SH3PXD2A: variants seen among roughly 807,000 people sequenced by gnomAD.
SH3PXD2A encodes the protein SH3 and PX domain-containing protein 2A.
Under a neutral mutation model 115.2 loss-of-function variants are expected in SH3PXD2A, and 32 were observed. The ratio of observed to expected loss-of-function variants is 0.28; its 90% CI spans 0.21 to 0.37. SH3PXD2A has a LOEUF of 0.37. Ranked by LOEUF, SH3PXD2A falls within the 10% of genes least tolerant of loss-of-function variation. The probability of loss-of-function intolerance (pLI) is 1.00; values close to 1 mark genes in which losing one functional copy is unlikely to be tolerated. For missense variants in SH3PXD2A, 1,328 were observed against 1,498.7 expected (o/e 0.89, Z 1.88); for synonymous variants, 610 against 629.1 (o/e 0.97, Z 0.45).
At chr10:103,641,452 G>A (rs2036954115) in intron 8 of SH3PXD2A, among the ~76,000 whole-genome samples, 1 of 152,184 alleles carries the variant, frequency 6.6e-6, no homozygotes. Context: ...CAAGGAGTGT[G>A]TGGCTAAGGG....
chr10:103,646,969 C>T (rs2037044715), intron 8 of SH3PXD2A, among the ~76,000 whole-genome samples: 1 of 147,696 alleles, frequency 6.8e-6, no homozygotes, highest in Non-Finnish European at 1.5e-5. Context: ...CTGCCATCTC[C>T]CAGCCTCCAT....
intron 5 of SH3PXD2A, among the ~76,000 whole-genome samples, chr10:103,696,731 G>A (rs2037829466): frequency 6.6e-6 from 1 of 152,182 alleles, no homozygotes; most frequent in South Asian, 2.1e-4. Context: ...TAATGTAATT[G>A]AAAAGGCCTC....
rs2037369569 is a variant in SH3PXD2A, at chr10:103,665,244, A to T, written c.472+3364T>A. 6.6e-6 allele frequency among the ~76,000 whole-genome samples: 1 copy of T among 152,206 alleles called. No homozygotes were observed. Among genetic ancestry groups the T allele is most frequent in the Admixed American group, 6.5e-5 (1 of 15,284 alleles). On this transcript the variant is annotated intron_variant, in intron 7 of 14. Coordinates refer to ENST00000369774, the MANE Select transcript of SH3PXD2A (RefSeq NM_001394015.1). This position sits in a 1 kb window ranked among gnomAD's most constrained non-coding sequence, Gnocchi z 4.0. ...AAAGAAGCCCCAGCTTTGTGGCCAG[A>T]AGATGCCTGGAGGACGAGCAGGAGG... is the stretch of plus-strand genomic sequence containing the variant.
chr10:103,724,546 G>A (rs2038218424), intron 4 of SH3PXD2A, among the ~76,000 whole-genome samples, 185 bp from the exon 5 acceptor site: 1 of 151,544 alleles, frequency 6.6e-6, no homozygotes, highest in Non-Finnish European at 1.5e-5. Flanking sequence ...ATCAAATAAC[G>A]AATCAAACAA....
At chr10:103,743,193 C>T (rs2038463043) in intron 3 of SH3PXD2A, among the ~76,000 whole-genome samples, 1 of 152,058 alleles carries the variant, frequency 6.6e-6, no homozygotes, top group Non-Finnish European at 1.5e-5. Context: ...AAATGAAGGG[C>T]CCTGGGCAGG....
intron 5 of SH3PXD2A, among the ~76,000 whole-genome samples, chr10:103,694,805 G>A (rs1332124875): frequency 6.6e-6 from 1 of 152,182 alleles, no homozygotes. Flanking sequence ...GGAAACCGTT[G>A]CCTTGGAAAG....
chr10:103,626,824 A>G (rs891875512), intron 9 of SH3PXD2A, among the ~76,000 whole-genome samples: 2 of 152,012 alleles, frequency 1.3e-5, no homozygotes, highest in Non-Finnish European at 2.9e-5. Context: ...AACAAACCTC[A>G]TGAAGCCAAA....
chr10:103,715,449 T>G (rs1216918241), intron 5 of SH3PXD2A, among the ~76,000 whole-genome samples: 1 of 152,206 alleles, frequency 6.6e-6, no homozygotes, highest in Non-Finnish European at 1.5e-5. Flanking sequence ...AGTAACTACC[T>G]GCAGAGTGAA....
intron 3 of SH3PXD2A, among the ~76,000 whole-genome samples, chr10:103,758,279 C>T (rs1164018136): frequency 6.6e-6 from 1 of 152,062 alleles, no homozygotes; most frequent in Admixed American, 6.6e-5. Flanking sequence ...ACTAAGGTTA[C>T]TGTTCTTGCT....
At chr10:103,731,242 C>A (rs1402539938) in intron 4 of SH3PXD2A, among the ~76,000 whole-genome samples, 1 of 151,666 alleles carries the variant, frequency 6.6e-6, no homozygotes, top group Admixed American at 6.6e-5. Flanking sequence ...CTCACTGCAG[C>A]CTCTGCCTCC....
intron 3 of SH3PXD2A, chr10:103,753,867 T>C (rs1319262814): frequency 2.6e-5 from 4 of 152,246 alleles, no homozygotes; most frequent in Non-Finnish European, 5.9e-5. Context: ...TTGTTATCTC[T>C]GGACCACTGG....
intron 3 of SH3PXD2A, among the ~76,000 whole-genome samples, chr10:103,745,089 G>T (rs1214941990): frequency 1.3e-5 from 2 of 152,338 alleles, no homozygotes; most frequent in East Asian, 3.9e-4. Flanking sequence ...GGAACTACCA[G>T]GAAGAGATGT....
chr10:103,679,347 G>C (rs988068858), intron 6 of SH3PXD2A, among the ~76,000 whole-genome samples: 3 of 152,248 alleles, frequency 2.0e-5, no homozygotes, highest in African/African-American at 7.2e-5. Flanking sequence ...CACAGCCAGA[G>C]CCAGAAAAGC....
intron 8 of SH3PXD2A, among the ~76,000 whole-genome samples, chr10:103,658,784 C>T (rs1410534764): frequency 1.3e-5 from 2 of 152,238 alleles, no homozygotes; most frequent in African/African-American, 4.8e-5. Context: ...CACCAAGTTT[C>T]CCAGCCTTGG....
chr10:103,692,903 C>A, intron 6 of SH3PXD2A, 125 bp downstream of exon 6: 2 of 779,196 alleles, frequency 2.6e-6, no homozygotes, highest in South Asian at 1.6e-5. Context: ...CGGCAGGACC[C>A]GTAGGCTGGC....
chr10:103,789,448 G>A (rs1164190712), intron 2 of SH3PXD2A, among the ~76,000 whole-genome samples: 1 of 152,172 alleles, frequency 6.6e-6, no homozygotes, highest in Non-Finnish European at 1.5e-5. Context: ...CTCCTCCAGA[G>A]GTGCCAGGAG....
chr10:103,652,157 G>A (rs1421624257), intron 8 of SH3PXD2A, among the ~76,000 whole-genome samples: 1 of 152,238 alleles, frequency 6.6e-6, no homozygotes, highest in Non-Finnish European at 1.5e-5. Context: ...AGCTAAGAAG[G>A]GGAGTGTGGA....
chr10:103,642,527 C>T (rs972867613), intron 8 of SH3PXD2A, among the ~76,000 whole-genome samples: 1 of 152,188 alleles, frequency 6.6e-6, no homozygotes, highest in African/African-American at 2.4e-5. Flanking sequence ...AGGAAGCCAA[C>T]GTCAGACTAG....
rs2036119667 is a variant in SH3PXD2A at position 103,595,518 on chromosome 10, T to C, written c.*6298A>G. 1 of 152,230 alleles carries C rather than the reference T, an allele frequency of 6.6e-6. No homozygotes were observed. The highest frequency in any genetic ancestry group is 6.5e-5 in the Admixed American group (1 of 15,288). 9.4% of individuals were successfully genotyped at this position (152,230 alleles called of 1,614,324 possible). A position where few individuals can be genotyped will look rare whatever the true frequency, so the allele number is the denominator to read the frequency against. On this transcript the variant is annotated 3_prime_UTR_variant, in exon 15 of 15. Coordinates refer to ENST00000369774, the MANE Select transcript of SH3PXD2A (RefSeq NM_001394015.1). ...CTCACCAACGTGCCTCTCACTTGCCTCTAACGTGCTCGAGCCATCCTTTTG... is the reference window on the plus strand; with the variant it reads ...CTCACCAACGTGCCTCTCACTTGCCCCTAACGTGCTCGAGCCATCCTTTTG...
Sources: gnomAD v4.1 joint callset for allele counts (sites outside exome capture counted in the v4.1 genomes callset) on GRCh38, gnomAD v4.1.1 for gene constraint, Gnocchi (gnomAD v3.1) non-coding constraint, MANE v1.5 for transcripts, NCBI Gene and HGNC (gene_info 2026-07-23, HGNC 2026-07-21) for gene names.